Variants in CENPC observed in about 807,000 individuals in gnomAD.
CENPC encodes the protein centromere protein C, also known as CENP-C 1.
In CENPC, 63 loss-of-function variants were observed where a neutral mutation model predicts 112.1. That is an observed-to-expected ratio of 0.56 (90% CI 0.46 to 0.69). The LOEUF (loss-of-function observed/expected upper bound fraction) is 0.69. CENPC is among the 30% of genes least tolerant of loss of function. The pLI, the probability that CENPC is intolerant of heterozygous loss-of-function variation, is 0.00. For synonymous variants in CENPC, 333 were observed against 367.6 expected (o/e 0.91, Z 1.08); for missense variants, 1,000 against 1,103.8 (o/e 0.91, Z 1.33).
chr4:67,542,025 A>G (rs547311905), intron 2 of CENPC, among the ~76,000 whole-genome samples: 27 of 152,316 alleles, frequency 1.8e-4, no homozygotes, highest in African/African-American at 6.3e-4. Flanking sequence ...CCAATATTTC[A>G]TTGCTTTTTA....
chr4:67,490,837 AATATATATATATAT>A (rs57498869), intron 16 of CENPC, among the ~76,000 whole-genome samples: 3 of 57,086 alleles, frequency 5.3e-5, no homozygotes, highest in Admixed American at 2.5e-4. Flanking sequence ...TATAGAAATA[AATATATATATATAT>A]ATATATATAT....
At chr4:67,494,253 A>G (rs1725370087) in intron 13 of CENPC, among the ~76,000 whole-genome samples, 3 of 152,202 alleles carry the variant, frequency 2.0e-5, no homozygotes, top group African/African-American at 7.2e-5. Context: ...TATCTGAACA[A>G]TGCAAAGTTC....
intron 12 of CENPC, among the ~76,000 whole-genome samples, chr4:67,497,781 G>A (rs1370221285): frequency 3.3e-5 from 4 of 119,546 alleles, no homozygotes; most frequent in African/African-American, 6.3e-5. Context: ...GACCGGCCTC[G>A]CCTCCCAAAG....
chr4:67,483,794 T>C (rs1424676731), intron 17 of CENPC, among the ~76,000 whole-genome samples: 1 of 151,408 alleles, frequency 6.6e-6, no homozygotes, highest in East Asian at 1.9e-4. Context: ...AAAAAAAAAA[T>C]AGAAAAAAGC....
At chr4:67,540,580 G>A (rs533132309) in intron 3 of CENPC, among the ~76,000 whole-genome samples, 7 of 152,322 alleles carry the variant, frequency 4.6e-5, no homozygotes, top group Non-Finnish European at 8.8e-5. Flanking sequence ...TGAGGCACAA[G>A]AATCACTTGA....
chr4:67,499,038 C>A (rs529965854), intron 12 of CENPC, among the ~76,000 whole-genome samples: 5 of 152,330 alleles, frequency 3.3e-5, no homozygotes, highest in African/African-American at 1.2e-4. Context: ...ATGAAAGCAA[C>A]ATTAATCTCC....
In CENPC at chr4:67,514,527, T is replaced by G; in HGVS notation, c.991A>C (p.Thr331Pro). The G allele has an allele frequency of 6.2e-7, 1 of 1,613,004 alleles. No homozygotes were observed. Among genetic ancestry groups the G allele is most frequent in the Non-Finnish European group, 8.5e-7 (1 of 1,179,522 alleles). ...PRKAGSLKQR[T>P]ISPAESTALL... Reference sequence around the variant, plus strand: ...GCAGTGCTCTCAGCCGGGGATATTGTGCGTTGTTTCAGAGACCCTGCCTTT... The same window carrying G: ...GCAGTGCTCTCAGCCGGGGATATTGGGCGTTGTTTCAGAGACCCTGCCTTT... The change falls in exon 8 of 19, where the codon ACA (threonine) becomes CCA (proline). Residue 331 changes from threonine (T) to proline (P), a missense_variant. Coordinates refer to ENST00000273853, the MANE Select transcript of CENPC (RefSeq NM_001812.4).
chr4:67,489,442 A>C (rs1433450550), intron 17 of CENPC, among the ~76,000 whole-genome samples: 1 of 151,994 alleles, frequency 6.6e-6, no homozygotes, highest in Non-Finnish European at 1.5e-5. Flanking sequence ...TAAATAGTTA[A>C]GTAGTTTTTT....
chr4:67,531,581 G>A (rs537743543), intron 4 of CENPC, among the ~76,000 whole-genome samples: 6 of 152,104 alleles, frequency 3.9e-5, no homozygotes, highest in African/African-American at 7.2e-5. Context: ...TTTCCTTCTG[G>A]GAGTGCGTAA....
intron 12 of CENPC, 138 bp downstream of exon 12, chr4:67,505,067 A>C: frequency 1.6e-6 from 1 of 639,426 alleles, no homozygotes; most frequent in South Asian, 2.0e-5. Context: ...GGGTCTTATT[A>C]ATCTCTAACT....
intron 11 of CENPC, among the ~76,000 whole-genome samples, chr4:67,505,550 C>A (rs892275140): frequency 2.6e-5 from 4 of 152,140 alleles, no homozygotes; most frequent in African/African-American, 9.7e-5. Context: ...TTTCACATAT[C>A]CTCCTGTATA....
chr4:67,510,155 T>C (rs372585767), intron 9 of CENPC, among the ~76,000 whole-genome samples: 1 of 152,146 alleles, frequency 6.6e-6, no homozygotes, highest in Non-Finnish European at 1.5e-5. Flanking sequence ...ATCAAAGACT[T>C]TGCAGAGCAG....
At chr4:67,527,685 G>C (rs1726425015) in intron 5 of CENPC, among the ~76,000 whole-genome samples, 1 of 151,568 alleles carries the variant, frequency 6.6e-6, no homozygotes, top group Non-Finnish European at 1.5e-5. Context: ...GTTTTTTGTA[G>C]AGACAAGTTC....
At position 67,508,840 on chromosome 4, in the gene CENPC, A is replaced by C; in HGVS notation, c.1878T>G (p.Ala626=). 1 of 1,613,448 alleles carries C rather than the reference A, an allele frequency of 6.2e-7. No individual in the cohort carries two copies. The highest frequency in any genetic ancestry group is 8.5e-7 in the Non-Finnish European group (1 of 1,179,682). Reference sequence around the variant, plus strand: ...TAGAACAATCAAGATTTTTCTTCTTAGCCAAGTCTGCCTCATCACTTTCCA... The same window carrying C: ...TAGAACAATCAAGATTTTTCTTCTTCGCCAAGTCTGCCTCATCACTTTCCA... The part of the protein sequence containing the change: ...EPLESDEADL[A]KKKNLDCSRS... Residue 626 remains alanine, a synonymous_variant, in exon 10 of 19, where the codon GCT becomes GCG. Transcript: ENST00000273853.
In CENPC at chr4:67,508,914, C is replaced by A; in HGVS notation, c.1804G>T (p.Gly602Cys). 1 of 1,613,696 alleles carries A rather than the reference C, an allele frequency of 6.2e-7. No individual in the cohort carries two copies. The highest frequency in any genetic ancestry group is 1.3e-5 in the African/African-American group (1 of 75,042). Residue 602 changes from glycine to cysteine, a missense_variant, in exon 10 of 19, where the codon GGT (glycine) becomes TGT (cysteine). Transcript: ENST00000273853. The stretch of plus-strand genomic sequence containing the variant: ...GAAATTTCATCATGACCAACGATAC[C>A]TCCAGAACCTTCAGCATTTAAAAAC... ...QKFLNAEGSG[G>C]IVGHDEISRC... is the part of the protein sequence containing the mutation.
chr4:67,507,697 A>G (rs1725775352), intron 10 of CENPC, among the ~76,000 whole-genome samples: 1 of 152,146 alleles, frequency 6.6e-6, no homozygotes, highest in Non-Finnish European at 1.5e-5. Flanking sequence ...ATTATTCACA[A>G]ACCGTTTCAA....
intron 5 of CENPC, among the ~76,000 whole-genome samples, chr4:67,528,856 T>A (rs1297547986): frequency 1.3e-5 from 2 of 152,210 alleles, no homozygotes; most frequent in Non-Finnish European, 2.9e-5. Flanking sequence ...TATTGGGTCA[T>A]ATGGTAGTTC....
chr4:67,539,974 T>C, intron 3 of CENPC, 40 bp from the exon 4 acceptor site: 1 of 1,048,000 alleles, frequency 9.5e-7, no homozygotes, highest in Non-Finnish European at 1.4e-6. Flanking sequence ...CAAGATATAG[T>C]GTAATATCTA....
At position 67,470,035 on chromosome 4, in the gene CENPC, T is replaced by G. The variant is rs966902689; in HGVS notation, c.*2570A>C. 6.6e-6 allele frequency: 1 copy of G among 152,188 alleles called. No homozygotes were observed. The highest frequency in any genetic ancestry group is 2.4e-5 in the African/African-American group (1 of 41,446). The allele number at this position is 152,188 out of a possible 1,614,324, so 9.4% of individuals were successfully genotyped here. On this transcript the variant is annotated 3_prime_UTR_variant, in exon 19 of 19. Coordinates refer to ENST00000273853, the MANE Select transcript of CENPC (RefSeq NM_001812.4). The stretch of plus-strand genomic sequence containing the variant: ...TGTGGCAAATGCAAGTAAGAAACAA[T>G]ATTTTAAATTAATTTTAAATAGCTA...
Sources: allele counts gnomAD v4.1 joint callset (sites outside exome capture counted in the v4.1 genomes callset), GRCh38; gene constraint gnomAD v4.1.1; transcripts MANE v1.5; gene names NCBI Gene and HGNC (gene_info 2026-07-23, HGNC 2026-07-21).